The following BTBD7 variants were observed in gnomAD, a reference collection of about 807,000 sequenced individuals.
The protein encoded by BTBD7 is BTB/POZ domain-containing protein 7.
Under a neutral mutation model 99.9 loss-of-function variants are expected in BTBD7, and 38 were observed. The ratio of observed to expected loss-of-function variants is 0.38; its 90% CI spans 0.29 to 0.50. BTBD7 has a LOEUF of 0.50. BTBD7 is among the 20% of genes least tolerant of loss of function. The pLI is 0.93. For missense variants in BTBD7, 1,170 were observed against 1,394.6 expected, an observed-to-expected ratio of 0.84 and a Z score of 2.57; for synonymous variants, 520 against 511.4, an observed-to-expected ratio of 1.02 and a Z score of -0.23.
chr14:93,279,124 C>A (rs2052689458), intron 3 of BTBD7, among the ~76,000 whole-genome samples: 1 of 152,192 alleles, frequency 6.6e-6, no homozygotes, highest in Non-Finnish European at 1.5e-5. Context: ...CATGCTACAT[C>A]CAAAGAGAGC....
intron 1 of BTBD7, among the ~76,000 whole-genome samples, chr14:93,320,474 T>TA (rs1313857959): frequency 6.6e-6 from 1 of 152,168 alleles, no homozygotes; most frequent in Non-Finnish European, 1.5e-5. Flanking sequence ...AGCCCTGTAA[T>TA]AGAGTGTAAG....
At chr14:93,266,333 C>A (rs2052543298) in intron 3 of BTBD7, among the ~76,000 whole-genome samples, 1 of 152,006 alleles carries the variant, frequency 6.6e-6, no homozygotes, top group Non-Finnish European at 1.5e-5. Flanking sequence ...TTTAGATTAG[C>A]ACTGACCAAA....
intron 1 of BTBD7, among the ~76,000 whole-genome samples, chr14:93,313,739 T>C (rs1018766941): frequency 2.7e-5 from 4 of 150,812 alleles, no homozygotes; most frequent in African/African-American, 9.8e-5. Context: ...TACACACACA[T>C]TTATTTTAAT....
At chr14:93,262,229 T>C (rs1179788310) in intron 4 of BTBD7, among the ~76,000 whole-genome samples, 1 of 151,570 alleles carries the variant, frequency 6.6e-6, no homozygotes, top group East Asian at 1.9e-4. Flanking sequence ...TCCTCCCAGG[T>C]TCACGCCATT....
At chr14:93,246,770 T>A (rs1454079444) in intron 9 of BTBD7, among the ~76,000 whole-genome samples, 1 of 152,214 alleles carries the variant, frequency 6.6e-6, no homozygotes, top group East Asian at 1.9e-4. Flanking sequence ...GTAAACATTA[T>A]AAAAGAATAT....
At chr14:93,309,423 AAG>A (rs1302183211) in intron 1 of BTBD7, among the ~76,000 whole-genome samples, 1 of 150,458 alleles carries the variant, frequency 6.6e-6, no homozygotes, top group Non-Finnish European at 1.5e-5. Context: ...AAAAAAAAAA[AAG>A]AGTAAAATGG....
At chr14:93,328,554 G>T (rs1037899606) in intron 1 of BTBD7, among the ~76,000 whole-genome samples, 1 of 147,036 alleles carries the variant, frequency 6.8e-6, no homozygotes, top group Non-Finnish European at 1.5e-5. Flanking sequence ...CCACGTATAT[G>T]GTAATAGATA....
Position 93,295,761 on chromosome 14 carries a change from T to C in BTBD7, c.82+209A>G, listed in dbSNP as rs116237204. On this transcript the variant is annotated intron_variant, in intron 2 of 10. Transcript: ENST00000334746. Reference sequence around the variant, plus strand: ...GTAATTGGCAATTATGGTTAAAACATAGAAAAGCTCAATTGTGCTACAAGT... The same window carrying C: ...GTAATTGGCAATTATGGTTAAAACACAGAAAAGCTCAATTGTGCTACAAGT... 6.9e-3 allele frequency among the ~76,000 whole-genome samples: 1,049 copies of C among 152,262 alleles called. 11 individuals carry two copies. Among genetic ancestry groups the C allele is most frequent in the African/African-American group, 0.023 (969 of 41,554 alleles).
At chr14:93,300,912 G>C (rs138832871) in intron 1 of BTBD7, among the ~76,000 whole-genome samples, 1 of 152,060 alleles carries the variant, frequency 6.6e-6, no homozygotes, top group East Asian at 1.9e-4. Context: ...ACGGTGCCCA[G>C]CTGGAAGGTA....
intron 3 of BTBD7, among the ~76,000 whole-genome samples, chr14:93,286,864 T>C (rs767328785): frequency 3.3e-5 from 5 of 152,172 alleles, no homozygotes; most frequent in Non-Finnish European, 7.3e-5. Flanking sequence ...TATGATAAAG[T>C]CTCCAGTTCT....
At chr14:93,316,292 C>A (rs1220331846) in intron 1 of BTBD7, among the ~76,000 whole-genome samples, 1 of 151,272 alleles carries the variant, frequency 6.6e-6, no homozygotes. Context: ...TAGAGACAGT[C>A]TCACTCTGTC....
At chr14:93,287,967 C>T (rs1035007258) in intron 3 of BTBD7, 5 of 152,584 alleles carry the variant, frequency 3.3e-5, no homozygotes, top group African/African-American at 9.7e-5. Context: ...ACTTGATTGA[C>T]TGTTTGGCTA....
At chr14:93,321,469 T>A (rs949065878) in intron 1 of BTBD7, among the ~76,000 whole-genome samples, 1 of 152,176 alleles carries the variant, frequency 6.6e-6, no homozygotes, top group African/African-American at 2.4e-5. Flanking sequence ...GGTGCGTGCC[T>A]GTAATCCCAG....
chr14:93,252,415 G>A (rs1290998907), intron 7 of BTBD7, among the ~76,000 whole-genome samples: 1 of 151,896 alleles, frequency 6.6e-6, no homozygotes, highest in African/African-American at 2.4e-5. Context: ...GAGTGCAGTG[G>A]TGCCATCATG....
At chr14:93,320,169 G>A (rs1400606816) in intron 1 of BTBD7, among the ~76,000 whole-genome samples, 1 of 152,194 alleles carries the variant, frequency 6.6e-6, no homozygotes, top group East Asian at 1.9e-4. Context: ...AAAGGTAAGT[G>A]TGAGAGGGAG....
At chr14:93,276,892 A>ATTTTTT (rs549579457) in intron 3 of BTBD7, among the ~76,000 whole-genome samples, 1 of 80,370 alleles carries the variant, frequency 1.2e-5, no homozygotes, top group Non-Finnish European at 2.2e-5. Context: ...ACACAGATTA[A>ATTTTTT]TTTTTTTTTT....
chr14:93,326,360 A>G (rs780631026), intron 1 of BTBD7, among the ~76,000 whole-genome samples: 1 of 152,192 alleles, frequency 6.6e-6, no homozygotes, highest in African/African-American at 2.4e-5. Context: ...CCAGGTGCTC[A>G]GGAGGCTGAG....
At chr14:93,262,853 C>A (rs1050426350) in intron 4 of BTBD7, among the ~76,000 whole-genome samples, 5 of 151,148 alleles carry the variant, frequency 3.3e-5, no homozygotes, top group African/African-American at 1.2e-4. Flanking sequence ...AGAGAACTAA[C>A]AACTTCTAAC....
At chr14:93,273,697 C>T (rs1442428625) in intron 3 of BTBD7, among the ~76,000 whole-genome samples, 1 of 152,168 alleles carries the variant, frequency 6.6e-6, no homozygotes, top group African/African-American at 2.4e-5. Context: ...ATCTGGAGAC[C>T]CTGCAGGTGC....
Sources: gnomAD v4.1 joint callset for allele counts (sites outside exome capture counted in the v4.1 genomes callset) on GRCh38, gnomAD v4.1.1 for gene constraint, MANE v1.5 for transcripts, NCBI Gene and HGNC (gene_info 2026-07-23, HGNC 2026-07-21) for gene names.